Variants in TBX1 observed in about 807,000 individuals in gnomAD.
The protein encoded by TBX1 is T-box transcription factor 1, also known as T-box transcription factor TBX1.
A neutral mutation model predicts 40.8 loss-of-function variants in TBX1; 16 were observed. The ratio of observed to expected loss-of-function variants is 0.39; its 90% CI spans 0.27 to 0.60. TBX1 has a LOEUF of 0.60. Among genes scored for constraint, TBX1 ranks in the 20% least tolerant of loss-of-function variants. TBX1 has a pLI of 0.51. For missense variants in TBX1, 755 were observed against 728.5 expected, an observed-to-expected ratio of 1.04 and a Z score of -0.42; for synonymous variants, 403 against 336.8, an observed-to-expected ratio of 1.20 and a Z score of -2.15.
chr22:19,778,315 G>C (rs1189004737), intron 8 of TBX1, among the ~76,000 whole-genome samples: 1 of 151,970 alleles, frequency 6.6e-6, no homozygotes, highest in Non-Finnish European at 1.5e-5. Flanking sequence ...TGCCCAGGCT[G>C]GTCACAAACT....
At chr22:19,757,820 G>T (rs1026847060), upstream of TBX1, among the ~76,000 whole-genome samples, 5 of 152,192 alleles carry the variant, frequency 3.3e-5, no homozygotes, top group Admixed American at 2.0e-4. Context: ...TCCCCTCAGT[G>T]ACACTGAGAG....
At chr22:19,760,740 GC>G (rs1351734996), upstream of TBX1, among the ~76,000 whole-genome samples, 1 of 139,360 alleles carries the variant, frequency 7.2e-6, no homozygotes, top group Non-Finnish European at 1.6e-5. Flanking sequence ...GCGGTGTGGG[GC>G]TGCACGGCCC....
chr22:19,770,034 G>A (rs1310058536), downstream of TBX1, among the ~76,000 whole-genome samples: 1 of 152,118 alleles, frequency 6.6e-6, no homozygotes, highest in Non-Finnish European at 1.5e-5. Flanking sequence ...TAGGGGATAG[G>A]GGGCTCGTCC....
intron 2 of TBX1, chr22:19,763,718 C>T (rs1936741497): frequency 2.5e-6 from 1 of 399,186 alleles, no homozygotes. Flanking sequence ...TGGAGCTGGG[C>T]CGGAAAGGTG....
chr22:19,779,526 A>C (rs1381248605), exon 9 of TBX1: 9 of 1,543,206 alleles, frequency 5.8e-6, no homozygotes, highest in Middle Eastern at 2.3e-4. Context: ...AATATGAATA[A>C]AGTGCATGTT....
At chr22:19,768,025 G>T (rs967685472), downstream of TBX1, among the ~76,000 whole-genome samples, 2 of 152,186 alleles carry the variant, frequency 1.3e-5, no homozygotes, top group Non-Finnish European at 2.9e-5. Flanking sequence ...GTGGCTAAGG[G>T]ACCTCTCCCC....
intron 1 of TBX1, 51 bp downstream of exon 1, chr22:19,761,331 G>A (rs1936654592): frequency 4.7e-6 from 7 of 1,504,086 alleles, no homozygotes; most frequent in South Asian, 2.4e-5. Context: ...CTGCCGCCAG[G>A]GCTGCGGGCC....
chr22:19,760,647 G>A (rs1337824189), upstream of TBX1, among the ~76,000 whole-genome samples: 1 of 104,516 alleles, frequency 9.6e-6, no homozygotes, highest in Non-Finnish European at 2.0e-5. Context: ...GAGGGCCGGG[G>A]GAGGGATCTA....
At chr22:19,779,208 G>T in intron 8 of TBX1, 1 of 1,614,168 alleles carries the variant, frequency 6.2e-7, no homozygotes, top group Non-Finnish European at 8.5e-7. Context: ...ATTGGATGGG[G>T]TTGTCACCCA....
downstream of TBX1, among the ~76,000 whole-genome samples, chr22:19,768,244 G>A (rs1260098416): frequency 2.6e-5 from 4 of 152,230 alleles, no homozygotes; most frequent in Non-Finnish European, 1.5e-5. Flanking sequence ...AGGCCACTCG[G>A]CTCATCACCC....
intron 6 of TBX1, 179 bp downstream of exon 6, chr22:19,766,181 CCCG>C (rs913799811): frequency 1.7e-3 from 1,408 of 805,266 alleles, no homozygotes; most frequent in East Asian, 2.1e-3. Context: ...CTGCGCCCCG[CCCG>C]CCGCCGCCGC....
intron 2 of TBX1, chr22:19,763,569 G>A (rs1473744908): frequency 1.7e-6 from 1 of 578,936 alleles, no homozygotes; most frequent in Non-Finnish European, 3.1e-6. Context: ...GCTGCAGACA[G>A]CTCTTGCTCC....
intron 8 of TBX1, among the ~76,000 whole-genome samples, chr22:19,775,235 AGGCACCT>A (rs1268144379): frequency 2.4e-4 from 37 of 152,156 alleles, no homozygotes. Context: ...CTGGGATTAC[AGGCACCT>A]GCCAACACAC....
At chr22:19,778,644 A>G (rs1374641554) in intron 8 of TBX1, among the ~76,000 whole-genome samples, 2 of 152,082 alleles carry the variant, frequency 1.3e-5, no homozygotes, top group Non-Finnish European at 2.9e-5. Context: ...CATGTTGGGC[A>G]GGCTGATCTC....
upstream of TBX1, among the ~76,000 whole-genome samples, chr22:19,758,995 G>A (rs1936552599): frequency 6.6e-6 from 1 of 152,232 alleles, no homozygotes; most frequent in South Asian, 2.1e-4. Flanking sequence ...CCAGGTGCAG[G>A]GGCAGCCAGG....
intron 8 of TBX1, among the ~76,000 whole-genome samples, chr22:19,775,105 G>A (rs1385222038): frequency 6.6e-6 from 1 of 151,200 alleles, no homozygotes; most frequent in Non-Finnish European, 1.5e-5. Flanking sequence ...TGGTTTTTAT[G>A]TTTTTGAAAC....
At chr22:19,759,677 G>A (rs2145824653), upstream of TBX1, 1 of 1,612,504 alleles carries the variant, frequency 6.2e-7, no homozygotes, top group East Asian at 2.2e-5. Flanking sequence ...GGACATGGAA[G>A]GTGAGCCTCC....
chr22:19,761,251 C>T lies in TBX1; in HGVS notation c.408C>T (p.Gly136=). ...TGTGGGACGAGTTCAACCAGCTGGG[C>T]ACCGAGATGATCGTCACCAAGGCCG... ...KALWDEFNQL[G]TEMIVTKAGR... is the part of the protein sequence containing the mutation. Residue 136 remains glycine, a synonymous_variant, in exon 1 of 7, where the codon GGC becomes GGT. Coordinates refer to ENST00000649276, the MANE Select transcript of TBX1 (RefSeq NM_001379200.1). 1 of 1,567,152 alleles carries T rather than the reference C, an allele frequency of 6.4e-7. No homozygotes were observed. Among genetic ancestry groups the T allele is most frequent in the Non-Finnish European group, 8.7e-7 (1 of 1,155,114 alleles).
chr22:19,765,846 G>A lies in TBX1; in HGVS notation c.935+21G>A, dbSNP rs1316022049. The A allele has an allele frequency of 1.4e-5, 23 of 1,589,986 alleles. No individual in the cohort carries two copies. The Admixed American group carries it at 2.1e-4, about 15-fold the overall frequency. ...GACTGGTGAGTGTCCTCCCCCGAGA[G>A]AGTGAGCGCCGGGCGCCTGGCGCAG... is the stretch of plus-strand genomic sequence containing the variant. On this transcript the variant is annotated intron_variant, in intron 5 of 6. Transcript: ENST00000649276.
Sources: allele counts gnomAD v4.1 joint callset (sites outside exome capture counted in the v4.1 genomes callset), GRCh38; gene constraint gnomAD v4.1.1; transcripts MANE v1.5; gene names NCBI Gene and HGNC (gene_info 2026-07-23, HGNC 2026-07-21).